The following PLXNB3 variants were observed in gnomAD, a reference collection of about 807,000 sequenced individuals.
PLXNB3 encodes the protein plexin B3.
Under a neutral mutation model 125.7 loss-of-function variants are expected in PLXNB3, and 80 were observed. The ratio of observed to expected loss-of-function variants is 0.64; its 90% CI spans 0.53 to 0.77. The LOEUF is 0.77. Ranked by LOEUF, PLXNB3 falls within the 30% of genes least tolerant of loss-of-function variation. The pLI, the probability that PLXNB3 is intolerant of heterozygous loss-of-function variation, is 0.00. For missense variants in PLXNB3, 1,836 were observed against 1,729.3 expected (o/e 1.06, Z -1.09); for synonymous variants, 954 against 783.3 (o/e 1.22, Z -3.64).
rs147255177 is a variant in PLXNB3, at chrX:153,766,233, C to T, written c.46-640C>T. 1.4e-3 allele frequency: 1,572 copies of T among 1,164,139 alleles called. 17 individuals carry two copies. The African/African-American group carries it at 0.024, about 17-fold the overall frequency. ...AGCATGGAGCTCACCCCTGCCTCTT[C>T]GCTGACTTGCTCCTTGCTCAGCCCG... On this transcript the variant is annotated intron_variant, in intron 2 of 35. Transcript: ENST00000361971.
chrX:153,772,388 C>G lies in PLXNB3; in HGVS notation c.2775+101C>G, dbSNP rs782492873. On this transcript the variant is annotated intron_variant, in intron 16 of 35. Coordinates refer to ENST00000361971, the MANE Select transcript of PLXNB3 (RefSeq NM_005393.3). ...GATGTCAAGCTGGGTCTGCGGGGAG[C>G]AGGAAGCACCGCTGCATGTCTAGGA... The G allele has an allele frequency of 4.9e-6, 3 of 614,872 alleles. No homozygotes were observed. The African/African-American group carries it at 6.8e-5, about 14-fold the overall frequency. The allele number at this position is 614,872 out of a possible 1,213,427, so 50.7% of individuals were successfully genotyped here.
rs1193077788 is a variant in PLXNB3, at chrX:153,779,259, C to T, written c.*220C>T. 1.7e-5 allele frequency: 5 copies of T among 295,556 alleles called. No individual in the cohort carries two copies. Among genetic ancestry groups the T allele is most frequent in the Non-Finnish European group, 2.9e-5 (5 of 170,679 alleles). The allele number at this position is 295,556 out of a possible 1,213,427, so 24.4% of individuals were successfully genotyped here. On this transcript the variant is annotated 3_prime_UTR_variant, in exon 36 of 36. Coordinates refer to ENST00000361971, the MANE Select transcript of PLXNB3 (RefSeq NM_005393.3). ...GTTTCTAATTTATAAGGATCCCCCT[C>T]CTTCCCCCTCTCCCCATTGTATTTA...
intron 1 of PLXNB3, among the ~76,000 whole-genome samples, chrX:153,765,190 C>G (rs1356169561): frequency 3.5e-5 from 4 of 112,948 alleles, no homozygotes; most frequent in Non-Finnish European, 5.6e-5. Context: ...CCCCGGATCC[C>G]GGGGGTGGCT....
At chrX:153,778,523 G>C (rs1557065364) in intron 34 of PLXNB3, 52 bp downstream of exon 34, 1 of 1,184,709 alleles carries the variant, frequency 8.4e-7, no homozygotes, top group Admixed American at 2.2e-5. Flanking sequence ...GGAAAGACTA[G>C]CAGAGCAGAG....
At chrX:153,775,811 A>G in intron 26 of PLXNB3, 76 bp from the exon 27 acceptor site, 1 of 1,114,385 alleles carries the variant, frequency 9.0e-7, no homozygotes, top group Non-Finnish European at 1.2e-6. Context: ...CCGGGGCTGG[A>G]GACGAGGCAG....
intron 29 of PLXNB3, 59 bp from the exon 30 acceptor site, chrX:153,777,148 TG>T: frequency 9.2e-7 from 1 of 1,092,379 alleles, no homozygotes. Flanking sequence ...GGGAGTGGAC[TG>T]GGCATCCCAG....
chrX:153,778,498 T>C, intron 34 of PLXNB3, 27 bp downstream of exon 34: 1 of 1,197,307 alleles, frequency 8.4e-7, no homozygotes, highest in Non-Finnish European at 1.1e-6. Context: ...GGGGTGCGCC[T>C]GTCCACACGT....
chrX:153,769,371 G>A (rs2091897283), intron 6 of PLXNB3, 109 bp downstream of exon 6: 1 of 586,930 alleles, frequency 1.7e-6, no homozygotes, highest in Non-Finnish European at 2.7e-6. Context: ...GCCTGTTGGA[G>A]AGACTCAGGG....
Position 153,774,746 on chromosome X carries a change from C to T in PLXNB3, c.3871C>T (p.Leu1291=). 1 of 1,194,972 alleles carries T rather than the reference C, an allele frequency of 8.4e-7. No individual in the cohort carries two copies. Among genetic ancestry groups the T allele is most frequent in the Non-Finnish European group, 1.1e-6 (1 of 886,640 alleles). Residue 1291 remains leucine (L), a synonymous_variant, in exon 23 of 36, where the codon CTA becomes TTA. Coordinates refer to ENST00000361971, the MANE Select transcript of PLXNB3 (RefSeq NM_005393.3). ...GGCCCTGCGGGACTACCAGAAGGTG[C>T]TAGTGCAGCTGGAGAGCCTGGAGAC... ...KQALRDYQKV[L]VQLESLETGV... is the part of the protein sequence containing the mutation.
chrX:153,773,453 G>C lies in PLXNB3; in HGVS notation c.3083+47G>C, dbSNP rs781821525. 7.6e-6 allele frequency: 9 copies of C among 1,183,306 alleles called. No homozygotes were observed. In the African/African-American group the frequency reaches 1.6e-4, roughly 21 times the overall value. ...AGCCTGTGCACCACGCAGGAGGGAA[G>C]GTGGGATGCGGGCTGGGCTATGTTG... On this transcript the variant is annotated intron_variant, in intron 18 of 35. Transcript: ENST00000361971.
In PLXNB3 at chrX:153,770,620, G is replaced by T. The variant is rs782481792; in HGVS notation, c.1988G>T (p.Arg663Met). The T allele has an allele frequency of 4.1e-6, 5 of 1,209,979 alleles. No individual in the cohort carries two copies. In the Admixed American group the frequency reaches 1.1e-4, roughly 26 times the overall value. The stretch of plus-strand genomic sequence containing the variant: ...GGAGAGCACTGCCCAGAGGGCGAGA[G>T]GACCATCTACAGCGCCCAGGAGGTG... ...VYGEHCPEGERTIYSAQEVDI... is the reference protein window; with the variant it reads ...VYGEHCPEGEMTIYSAQEVDI... The change falls in exon 10 of 36, where the codon AGG (arginine) becomes ATG (methionine). Residue 663 changes from arginine to methionine, a missense_variant. Arg to Met is a moderately conservative substitution (Grantham distance 91). Coordinates refer to ENST00000361971, the MANE Select transcript of PLXNB3 (RefSeq NM_005393.3).
chrX:153,773,698 T>TG lies in PLXNB3; in HGVS notation c.3270dup (p.Leu1091AlafsTer154). 1 of 1,164,020 alleles carries TG rather than the reference T, an allele frequency of 8.6e-7. No individual in the cohort carries two copies. The highest frequency in any genetic ancestry group is 1.8e-5 in the African/African-American group (1 of 56,732). On this transcript the variant is annotated frameshift_variant, in exon 19 of 36. Coordinates refer to ENST00000361971, the MANE Select transcript of PLXNB3 (RefSeq NM_005393.3). LOFTEE classifies it high-confidence loss of function. ...ACCCCCAGGCTTGTATCCAGCTCGG[T>TG]GGGGGGCTGCTGCAGGTGAGCCCCT...
chrX:153,778,082 A>G lies in PLXNB3; in HGVS notation c.5396A>G (p.His1799Arg). The change falls in exon 32 of 36, where the codon CAT (histidine) becomes CGT (arginine). Residue 1799 changes from histidine (H) to arginine (R), a missense_variant. Physicochemically the swap from His to Arg is conservative, Grantham distance 29 (BLOSUM62 0). Transcript: ENST00000361971. Reference protein sequence around the residue: ...TFIDSCTTSEHKVGRDSPVNK... With the variant: ...TFIDSCTTSERKVGRDSPVNK... The stretch of plus-strand genomic sequence containing the variant: ...ATTGACTCCTGTACCACCTCGGAGC[A>G]TAAAGTGGGCCGGGTGAGAGCAGTG... The G allele has an allele frequency of 2.5e-6, 3 of 1,211,728 alleles. No individual in the cohort carries two copies. Among genetic ancestry groups the G allele is most frequent in the Non-Finnish European group, 3.3e-6 (3 of 895,550 alleles).
chrX:153,769,674 A>G (rs2091902227), intron 6 of PLXNB3, 133 bp from the exon 7 acceptor site: 2 of 677,213 alleles, frequency 3.0e-6, no homozygotes, highest in Non-Finnish European at 4.4e-6. Flanking sequence ...CTCTCTGGAC[A>G]CAGTCCCCTT....
chrX:153,771,166 G>A, intron 12 of PLXNB3, 85 bp downstream of exon 12: 4 of 954,573 alleles, frequency 4.2e-6, no homozygotes, highest in South Asian at 2.0e-5. Context: ...AGCCTGCTTG[G>A]GGCCCATAAC....
Position 153,772,908 on chromosome X carries a change from G to C in PLXNB3, c.2798G>C (p.Ser933Thr), listed in dbSNP as rs1557062495. The change falls in exon 17 of 36, where the codon AGT becomes ACT. Residue 933 changes from serine to threonine, a missense_variant. Physicochemically the swap from Ser to Thr is moderately conservative, Grantham distance 58. Coordinates refer to ENST00000361971, the MANE Select transcript of PLXNB3 (RefSeq NM_005393.3). ...TYQDPVLLSL[S>T]PRWGPQAGGT... ...CAGGACCCTGTCCTGCTGAGCCTGA[G>C]TCCTCGCTGGGGCCCCCAGGCAGGG... 2 of 1,154,679 alleles carry C rather than the reference G, an allele frequency of 1.7e-6. No individual in the cohort carries two copies. The highest frequency in any genetic ancestry group is 6.2e-5 in the East Asian group (2 of 32,088).
At chrX:153,764,505 A>T (rs1326337100) in intron 1 of PLXNB3, among the ~76,000 whole-genome samples, 1 of 112,693 alleles carries the variant, frequency 8.9e-6, no homozygotes, top group Non-Finnish European at 1.9e-5. Flanking sequence ...GAGGTGGGGA[A>T]CCATGTTTCT....
chrX:153,769,259 G>A lies in PLXNB3; in HGVS notation c.1493G>A (p.Gly498Asp). The A allele has an allele frequency of 1.7e-6, 2 of 1,158,306 alleles. No individual in the cohort carries two copies. The highest frequency in any genetic ancestry group is 2.3e-6 in the Non-Finnish European group (2 of 864,569). ...CTGTGTGGCTGGTGTGTCCTCCAGG[G>A]CAGGTGAGCACGGGGCCTGTGCCTA... ...DPLCGWCVLQ[G>D]RCTRKGQCGR... The change falls in exon 6 of 36, where the codon GGC (glycine) becomes GAC (aspartate). Residue 498 changes from glycine to aspartate, a missense_variant. By Grantham distance (94) the Gly-to-Asp change is moderately conservative (BLOSUM62 -1). Transcript: ENST00000361971.
At chrX:153,773,144 C>A in intron 17 of PLXNB3, 86 bp from the exon 18 acceptor site, 1 of 1,090,577 alleles carries the variant, frequency 9.2e-7, no homozygotes, top group Non-Finnish European at 1.2e-6. Flanking sequence ...GCAGGCAAAG[C>A]AGGGCTTCTC....
Sources: gnomAD v4.1 joint callset for allele counts (sites outside exome capture counted in the v4.1 genomes callset) on GRCh38, gnomAD v4.1.1 for gene constraint, MANE v1.5 for transcripts, NCBI Gene and HGNC (gene_info 2026-07-23, HGNC 2026-07-21) for gene names.